Variants in ITGA9 observed in about 807,000 individuals in gnomAD.
ITGA9 encodes integrin alpha-9.
In ITGA9, 56 loss-of-function variants were observed where a neutral mutation model predicts 127.8. That is an observed-to-expected ratio of 0.44 (90% CI 0.35 to 0.55). The LOEUF is 0.55. Among genes scored for constraint, ITGA9 ranks in the 20% least tolerant of loss-of-function variants. The probability of loss-of-function intolerance (pLI) is 0.00; values close to 1 mark genes in which losing one functional copy is unlikely to be tolerated. For synonymous variants in ITGA9, 508 were observed against 514.5 expected, an observed-to-expected ratio of 0.99 and a Z score of 0.17; for missense variants, 1,196 against 1,347.1, an observed-to-expected ratio of 0.89 and a Z score of 1.76.
At chr3:37,617,734 C>T (rs1335105898) in intron 15 of ITGA9, among the ~76,000 whole-genome samples, 1 of 152,128 alleles carries the variant, frequency 6.6e-6, no homozygotes, top group Non-Finnish European at 1.5e-5. Flanking sequence ...CACTGATATC[C>T]TTTCTTCTAG....
chr3:37,727,486 C>T (rs1046410274), intron 18 of ITGA9, among the ~76,000 whole-genome samples: 14 of 152,118 alleles, frequency 9.2e-5, no homozygotes, highest in Admixed American at 2.6e-4. Context: ...CTGAAAATTA[C>T]GAAATTAGGT....
chr3:37,778,886 T>G (rs1434146153), intron 24 of ITGA9, among the ~76,000 whole-genome samples: 1 of 149,892 alleles, frequency 6.7e-6, no homozygotes, highest in Non-Finnish European at 1.5e-5. Flanking sequence ...TTTTTTTTTT[T>G]TTTTTTTTTT....
chr3:37,768,705 A>G (rs1343299251), intron 23 of ITGA9, among the ~76,000 whole-genome samples: 1 of 152,156 alleles, frequency 6.6e-6, no homozygotes, highest in East Asian at 1.9e-4. Flanking sequence ...TTAACAGGAA[A>G]CACATGTTAT....
chr3:37,739,103 T>C (rs145678778), intron 20 of ITGA9, among the ~76,000 whole-genome samples: 2 of 152,320 alleles, frequency 1.3e-5, no homozygotes, highest in Admixed American at 1.3e-4. Flanking sequence ...TTATAATCCC[T>C]TACTCTGTGC....
chr3:37,679,938 A>T, intron 17 of ITGA9, among the ~76,000 whole-genome samples: 1 of 152,028 alleles, frequency 6.6e-6, no homozygotes, highest in Non-Finnish European at 1.5e-5. Context: ...CAACTTCGAT[A>T]AGTGCCATGA....
chr3:37,797,887 G>A (rs1697192603), intron 26 of ITGA9, among the ~76,000 whole-genome samples: 1 of 151,964 alleles, frequency 6.6e-6, no homozygotes, highest in South Asian at 2.1e-4. Context: ...GTTTCGCCAT[G>A]TTGGCCAGGC....
Position 37,637,657 on chromosome 3 carries a change from C to CT in ITGA9, c.1839+8322dup, listed in dbSNP as rs994044764. ...AGCTGATGGGGTGGGCCCCAGCAAA[C>CT]TATGTTTTTGTTTTTGTTTTTGTTT... On this transcript the variant is annotated intron_variant, in intron 16 of 27. Transcript: ENST00000264741. 2.4e-5 allele frequency among the ~76,000 whole-genome samples: 3 copies of CT among 123,528 alleles called. No homozygotes were observed. In the Admixed American group the frequency reaches 2.5e-4, roughly 10 times the overall value. The allele number at this position is 123,528 out of a possible 152,430, so 81.0% of individuals were successfully genotyped here.
chr3:37,786,698 G>T (rs552937131), intron 26 of ITGA9, among the ~76,000 whole-genome samples: 1 of 152,298 alleles, frequency 6.6e-6, no homozygotes, highest in South Asian at 2.1e-4. Context: ...CAAGAGATGA[G>T]AACATCAGGG....
Position 37,452,656 on chromosome 3 carries a change from G to C in ITGA9, c.185+97G>C. The C allele has an allele frequency of 9.1e-7, 1 of 1,103,188 alleles. No homozygotes were observed. The highest frequency in any genetic ancestry group is 1.2e-6 in the Non-Finnish European group (1 of 826,048). 68.3% of individuals were successfully genotyped at this position (1,103,188 alleles called of 1,614,324 possible). ...CCGCCTTTCCGGTCTCTTCCACGCC[G>C]CCGTCCCGAGGGGGCGATTTAAATG... On this transcript the variant is annotated intron_variant, in intron 1 of 27. Transcript: ENST00000264741. This position sits in a 1 kb window ranked among gnomAD's most constrained non-coding sequence, Gnocchi z 7.3.
At chr3:37,703,510 A>G (rs1044523023) in intron 18 of ITGA9, among the ~76,000 whole-genome samples, 1 of 152,158 alleles carries the variant, frequency 6.6e-6, no homozygotes, top group Non-Finnish European at 1.5e-5. Context: ...CTATTTGGCT[A>G]TTGTGTATCA....
chr3:37,729,446 TA>T (rs1696259275), intron 18 of ITGA9, among the ~76,000 whole-genome samples: 1 of 152,202 alleles, frequency 6.6e-6, no homozygotes, highest in African/African-American at 2.4e-5. Flanking sequence ...TTGAAATTTT[TA>T]TTTGACTGAG....
chr3:37,566,135 A>T (rs1403356803), intron 15 of ITGA9, among the ~76,000 whole-genome samples: 1 of 152,240 alleles, frequency 6.6e-6, no homozygotes, highest in Non-Finnish European at 1.5e-5. Context: ...ACTCATAAAA[A>T]GTCAAAATAG....
At chr3:37,586,491 G>A (rs1699760174) in intron 15 of ITGA9, among the ~76,000 whole-genome samples, 1 of 152,138 alleles carries the variant, frequency 6.6e-6, no homozygotes. Flanking sequence ...TTTCTTACAG[G>A]TCACGAAGTC....
At chr3:37,609,333 T>C (rs989311116) in intron 15 of ITGA9, among the ~76,000 whole-genome samples, 3 of 152,208 alleles carry the variant, frequency 2.0e-5, no homozygotes, top group Non-Finnish European at 4.4e-5. Flanking sequence ...AGGTCTTGGC[T>C]TATCTAAAGA....
chr3:37,588,019 AGG>A (rs1699775451), intron 15 of ITGA9, among the ~76,000 whole-genome samples: 1 of 152,194 alleles, frequency 6.6e-6, no homozygotes, highest in Non-Finnish European at 1.5e-5. Context: ...TCAGTGAAAA[AGG>A]GAGAGGGATC....
chr3:37,654,190 CCACACACACA>C (rs67516814), intron 17 of ITGA9, among the ~76,000 whole-genome samples: 68 of 146,402 alleles, frequency 4.6e-4, no homozygotes, highest in Middle Eastern at 3.6e-3. Flanking sequence ...CCTCCTGCCT[CCACACACACA>C]CACACACACA....
At chr3:37,622,066 G>C (rs1575170586) in intron 15 of ITGA9, among the ~76,000 whole-genome samples, 1 of 151,460 alleles carries the variant, frequency 6.6e-6, no homozygotes, top group African/African-American at 2.4e-5. Context: ...AGCTGTGCTT[G>C]TCATAAAGTT....
intron 18 of ITGA9, among the ~76,000 whole-genome samples, chr3:37,717,196 A>C (rs947029347): frequency 4.6e-5 from 7 of 152,212 alleles, no homozygotes; most frequent in African/African-American, 1.7e-4. Context: ...ATACCTCCAC[A>C]CCTGGCACAG....
intron 18 of ITGA9, among the ~76,000 whole-genome samples, chr3:37,693,170 A>C (rs1700849410): frequency 6.6e-6 from 1 of 152,154 alleles, no homozygotes; most frequent in Admixed American, 6.5e-5. Context: ...TAAGTCACTG[A>C]ATTTGGCTAA....
Sources: allele counts gnomAD v4.1 joint callset (sites outside exome capture counted in the v4.1 genomes callset), GRCh38; gene constraint gnomAD v4.1.1; non-coding constraint Gnocchi (gnomAD v3.1); transcripts MANE v1.5; gene names NCBI Gene and HGNC (gene_info 2026-07-23, HGNC 2026-07-21).